NAT10: variants seen among roughly 807,000 people sequenced by gnomAD.
NAT10 encodes N-acetyltransferase 10, also known as RNA cytidine acetyltransferase.
Under a neutral mutation model 132.2 loss-of-function variants are expected in NAT10, and 109 were observed. The observed-to-expected ratio is 0.82, with a 90% confidence interval of 0.71 to 0.97. The LOEUF (loss-of-function observed/expected upper bound fraction) is 0.97, where lower values mean the gene tolerates loss of function less well. NAT10 is among the 50% of genes least tolerant of loss of function. NAT10 has a pLI of 0.00. For synonymous variants in NAT10, 479 were observed against 478.0 expected (o/e 1.00, Z -0.03); for missense variants, 1,184 against 1,263.4 (o/e 0.94, Z 0.95).
At chr11:34,137,575 A>G (rs1852239917) in intron 21 of NAT10, among the ~76,000 whole-genome samples, 1 of 152,232 alleles carries the variant, frequency 6.6e-6, no homozygotes, top group African/African-American at 2.4e-5. Context: ...AATAGAATGC[A>G]CTGCAGGAGG....
intron 8 of NAT10, among the ~76,000 whole-genome samples, chr11:34,120,771 G>A (rs770864772): frequency 2.0e-5 from 3 of 152,210 alleles, no homozygotes; most frequent in Non-Finnish European, 4.4e-5. Context: ...AAGATGCTAC[G>A]TACAATGGGA....
At chr11:34,120,134 T>TTGC (rs201690056) in intron 8 of NAT10, among the ~76,000 whole-genome samples, 3 of 139,070 alleles carry the variant, frequency 2.2e-5, no homozygotes, top group African/African-American at 2.7e-5. Context: ...GTTGTTGTTG[T>TTGC]TGCTGTTGGT....
intron 19 of NAT10, 97 bp downstream of exon 19, chr11:34,135,388 G>A (rs1222239751): frequency 1.1e-6 from 1 of 919,944 alleles, no homozygotes; most frequent in African/African-American, 1.6e-5. Flanking sequence ...CAGAGCTTTG[G>A]ACCCCTCTCT....
intron 27 of NAT10, among the ~76,000 whole-genome samples, chr11:34,143,118 A>G (rs1852369814): frequency 1.3e-5 from 2 of 152,146 alleles, no homozygotes; most frequent in Non-Finnish European, 2.9e-5. Context: ...GGTGACAGGA[A>G]GCTTCTTTGG....
At chr11:34,125,438 C>T (rs1328391168) in intron 11 of NAT10, among the ~76,000 whole-genome samples, 3 of 152,200 alleles carry the variant, frequency 2.0e-5, no homozygotes, top group Non-Finnish European at 4.4e-5. Context: ...GTTCTTTTGT[C>T]TCCAGTGTGA....
At chr11:34,142,438 C>A in intron 27 of NAT10, 90 bp downstream of exon 27, 2 of 1,127,900 alleles carry the variant, frequency 1.8e-6, no homozygotes, top group East Asian at 2.5e-5. Context: ...TCCCACGTGC[C>A]CTGGAAAGTG....
intron 1 of NAT10, 161 bp downstream of exon 1, chr11:34,105,953 C>G (rs1259828749): frequency 2.0e-5 from 3 of 152,368 alleles, no homozygotes; most frequent in Non-Finnish European, 4.4e-5. Flanking sequence ...TCCAAGATAA[C>G]AGAATCACCT....
chr11:34,137,110 C>T, intron 21 of NAT10, 84 bp downstream of exon 21: 2 of 1,438,854 alleles, frequency 1.4e-6, no homozygotes, highest in Non-Finnish European at 9.7e-7. Context: ...AGCCCTAGTG[C>T]CTCCCTGCTG....
intron 1 of NAT10, 151 bp from the exon 2 acceptor site, chr11:34,108,060 G>A (rs535810914): frequency 6.4e-4 from 337 of 525,504 alleles, no homozygotes; most frequent in Middle Eastern, 8.8e-4. Flanking sequence ...AAAACTAGAG[G>A]CTGATGTCTT....
At chr11:34,109,486 A>C (rs1851656155) in intron 3 of NAT10, among the ~76,000 whole-genome samples, 1 of 152,126 alleles carries the variant, frequency 6.6e-6, no homozygotes, top group Admixed American at 6.6e-5. Context: ...TTGTGATCAA[A>C]TTGTGCAGTT....
chr11:34,118,638 G>T, intron 8 of NAT10, 135 bp downstream of exon 8: 1 of 640,366 alleles, frequency 1.6e-6, no homozygotes, highest in East Asian at 2.8e-5. Flanking sequence ...GCTCATACTC[G>T]TGTGTGCTCA....
rs773493824 is a variant in NAT10, at chr11:34,140,469, G to A, written c.2489G>A (p.Arg830Gln). The A allele has an allele frequency of 6.2e-6, 10 of 1,614,072 alleles. No homozygotes were observed. In the East Asian group the frequency reaches 6.7e-5, roughly 11 times the overall value. The change falls in exon 24 of 29, where the codon CGG becomes CAG. Residue 830 changes from arginine to glutamine, a missense_variant. Physicochemically the swap from Arg to Gln is conservative, Grantham distance 43 (BLOSUM62 1). Coordinates refer to ENST00000257829, the MANE Select transcript of NAT10 (RefSeq NM_024662.3). The part of the protein sequence containing the change: ...YDLKRLEMYS[R>Q]NMVDYHLIMD... ...CTGAAGCGGCTGGAGATGTATTCAC[G>A]GAATATGGTGGACTATCACCTCATC...
intron 23 of NAT10, among the ~76,000 whole-genome samples, 181 bp from the exon 24 acceptor site, chr11:34,140,219 C>T (rs1050460171): frequency 5.9e-5 from 9 of 152,220 alleles, no homozygotes; most frequent in Non-Finnish European, 1.3e-4. Context: ...CCACACGTGG[C>T]CTGGAGCCGC....
rs1216591220 is a variant in NAT10 at position 34,122,338 on chromosome 11, G to A, written c.781-121G>A. On this transcript the variant is annotated intron_variant, in intron 8 of 28. Coordinates refer to ENST00000257829, the MANE Select transcript of NAT10 (RefSeq NM_024662.3). ...GGTGCTGAGCAGTGCTTTCTGGCCTGCAAGAACTGCCGCCCTCTTATTTAG... is the reference window on the plus strand; with the variant it reads ...GGTGCTGAGCAGTGCTTTCTGGCCTACAAGAACTGCCGCCCTCTTATTTAG... 4 of 1,308,234 alleles carry A rather than the reference G, an allele frequency of 3.1e-6. No individual in the cohort carries two copies. The East Asian group carries it at 7.0e-5, about 23-fold the overall frequency. 81.0% of individuals were successfully genotyped at this position (1,308,234 alleles called of 1,614,324 possible).
At chr11:34,127,623 C>G (rs201184652) in intron 12 of NAT10, 24 bp downstream of exon 12, 1 of 1,587,706 alleles carries the variant, frequency 6.3e-7, no homozygotes, top group Non-Finnish European at 8.6e-7. Context: ...GGCAGGAGTC[C>G]TTACTCCCGT....
Position 34,122,540 on chromosome 11 carries a change from C to T in NAT10, c.862C>T (p.Arg288Trp), listed in dbSNP as rs766545139. ...TGTTGCACTCACAGCTGCTCGAGGACGGGGAAAATCTGCAGCCCTGGGATT... is the reference window on the plus strand; with the variant it reads ...TGTTGCACTCACAGCTGCTCGAGGATGGGGAAAATCTGCAGCCCTGGGATT... ...STVALTAARGRGKSAALGLAI... is the reference protein window; with the variant it reads ...STVALTAARGWGKSAALGLAI... Residue 288 changes from arginine (R) to tryptophan (W), a missense_variant, in exon 9 of 29, where the codon CGG (arginine) becomes TGG (tryptophan). Physicochemically the swap from Arg to Trp is moderately radical, Grantham distance 101. Coordinates refer to ENST00000257829, the MANE Select transcript of NAT10 (RefSeq NM_024662.3). The T allele has an allele frequency of 1.7e-5, 27 of 1,614,024 alleles. No homozygotes were observed. The highest frequency in any genetic ancestry group is 1.5e-5 in the Non-Finnish European group (18 of 1,180,038).
At chr11:34,134,150 T>C (rs1460343619) in intron 16 of NAT10, among the ~76,000 whole-genome samples, 169 bp from the exon 17 acceptor site, 1 of 151,598 alleles carries the variant, frequency 6.6e-6, no homozygotes, top group Admixed American at 6.6e-5. Context: ...GGCGACAGAG[T>C]GAGACTCCAT....
chr11:34,118,217 G>A lies in NAT10; in HGVS notation c.595G>A (p.Val199Ile), dbSNP rs748227063. 1.2e-5 allele frequency: 19 copies of A among 1,614,010 alleles called. No homozygotes were observed. Among genetic ancestry groups the A allele is most frequent in the Middle Eastern group, 3.3e-4 (2 of 6,082 alleles). Residue 199 changes from valine (V) to isoleucine (I), a missense_variant, in exon 7 of 29, where the codon GTC becomes ATC. Val to Ile is a conservative substitution (Grantham distance 29). Coordinates refer to ENST00000257829, the MANE Select transcript of NAT10 (RefSeq NM_024662.3). ...TCTGGCCTCTTGTAAGAAGTGTCTC[G>A]TCATTGATGACCAGCTCAACATCCT... is the stretch of plus-strand genomic sequence containing the variant. ...LSLASCKKCL[V>I]IDDQLNILPI...
At chr11:34,141,026 G>C (rs1852317780) in intron 24 of NAT10, 63 bp from the exon 25 acceptor site, 1 of 1,607,550 alleles carries the variant, frequency 6.2e-7, no homozygotes, top group African/African-American at 1.3e-5. Flanking sequence ...CTGGTTCTTG[G>C]CGCCATTTTA....
Sources: gnomAD v4.1 joint callset for allele counts (sites outside exome capture counted in the v4.1 genomes callset) on GRCh38, gnomAD v4.1.1 for gene constraint, MANE v1.5 for transcripts, NCBI Gene and HGNC (gene_info 2026-07-23, HGNC 2026-07-21) for gene names.